LRP1B: variants seen among roughly 807,000 people sequenced by gnomAD.
LRP1B encodes the protein LDL receptor related protein 1B.
Under a neutral mutation model 556.6 loss-of-function variants are expected in LRP1B, and 217 were observed. The ratio of observed to expected loss-of-function variants is 0.39; its 90% CI spans 0.35 to 0.44. The LOEUF (loss-of-function observed/expected upper bound fraction) is 0.44. Among genes scored for constraint, LRP1B ranks in the 20% least tolerant of loss-of-function variants. The probability of loss-of-function intolerance (pLI) is 1.00; values close to 1 mark genes in which losing one functional copy is unlikely to be tolerated. For missense variants in LRP1B, 5,053 were observed against 5,620.8 expected (o/e 0.90, Z 3.23); for synonymous variants, 2,047 against 1,865.8 (o/e 1.10, Z -2.50).
At chr2:141,778,425 C>T (rs1202222777) in intron 2 of LRP1B, among the ~76,000 whole-genome samples, 3 of 152,290 alleles carry the variant, frequency 2.0e-5, no homozygotes, top group Admixed American at 2.0e-4. Flanking sequence ...GGTAGACTCT[C>T]CTCCTTCTAG....
At chr2:140,965,737 C>T (rs1820844) in intron 18 of LRP1B, among the ~76,000 whole-genome samples, 121,562 of 151,282 alleles carry the variant, frequency 0.8, 49,569 homozygotes, top group Non-Finnish European at 0.87. Flanking sequence ...ACCCAGTGTG[C>T]GATGTTCCCT....
chr2:141,310,768 A>T (rs753133005), intron 3 of LRP1B, among the ~76,000 whole-genome samples: 1 of 152,216 alleles, frequency 6.6e-6, no homozygotes, highest in Non-Finnish European at 1.5e-5. Flanking sequence ...GAGATATATC[A>T]AAGATTCGTG....
intron 43 of LRP1B, among the ~76,000 whole-genome samples, chr2:140,587,563 G>A: frequency 6.6e-6 from 1 of 152,110 alleles, no homozygotes; most frequent in East Asian, 1.9e-4. Flanking sequence ...AGCTACCAAA[G>A]GCTGGAGTGA....
chr2:140,630,816 CCTT>C (rs1244532981), intron 41 of LRP1B, among the ~76,000 whole-genome samples: 3 of 152,162 alleles, frequency 2.0e-5, no homozygotes, highest in South Asian at 2.1e-4. Context: ...TTACCCAGCT[CCTT>C]CTCCTCTAGC....
chr2:141,641,730 A>G (rs140208767), intron 2 of LRP1B, among the ~76,000 whole-genome samples: 219 of 152,254 alleles, frequency 1.4e-3, no homozygotes, highest in African/African-American at 5.1e-3. Context: ...ATACCTGGGT[A>G]AAAAATGGTA....
Position 140,868,248 on chromosome 2 carries a change from T to C in LRP1B, c.4185A>G (p.Thr1395=). ...TGCGAGGAAAATTTGCATCCCAGTC[T>C]GTCCAGAAAAGAATTCTAAAAAAAA... ...LDPRYGILFW[T]DWDANFPRIE... The change falls in exon 26 of 91, where the codon ACA becomes ACG. Residue 1395 remains threonine (T), a synonymous_variant. Transcript: ENST00000389484. The C allele has an allele frequency of 6.4e-7, 1 of 1,557,370 alleles. No individual in the cohort carries two copies. Among genetic ancestry groups the C allele is most frequent in the Admixed American group, 2.2e-5 (1 of 45,762 alleles).
At chr2:140,839,191 A>T (rs1692017720) in intron 31 of LRP1B, among the ~76,000 whole-genome samples, 1 of 152,244 alleles carries the variant, frequency 6.6e-6, no homozygotes, top group South Asian at 2.1e-4. Flanking sequence ...TAAGAGATTG[A>T]TTAATTAAAT....
At chr2:140,655,534 T>G (rs1684847617) in intron 41 of LRP1B, among the ~76,000 whole-genome samples, 1 of 152,226 alleles carries the variant, frequency 6.6e-6, no homozygotes, top group African/African-American at 2.4e-5. Context: ...GATTAATCAT[T>G]CCTAGGTGCA....
chr2:141,020,277 A>G (rs1394395987), intron 11 of LRP1B, among the ~76,000 whole-genome samples, 175 bp from the exon 12 acceptor site: 1 of 151,998 alleles, frequency 6.6e-6, no homozygotes, highest in Non-Finnish European at 1.5e-5. Flanking sequence ...ATATTTTTCA[A>G]TTTTATTTTG....
chr2:140,936,806 A>C (rs530678855), intron 20 of LRP1B, among the ~76,000 whole-genome samples: 1 of 152,106 alleles, frequency 6.6e-6, no homozygotes, highest in Admixed American at 6.6e-5. Flanking sequence ...ATGTGTTTTT[A>C]AAAAAATTAT....
chr2:140,543,114 C>T (rs1385887686), intron 43 of LRP1B, among the ~76,000 whole-genome samples: 2 of 152,002 alleles, frequency 1.3e-5, no homozygotes, highest in East Asian at 3.9e-4. Context: ...AAAAGCCAAG[C>T]CTGAAAGGAG....
At chr2:141,387,248 G>A (rs867971461) in intron 3 of LRP1B, among the ~76,000 whole-genome samples, 6 of 151,622 alleles carry the variant, frequency 4.0e-5, no homozygotes, top group Admixed American at 6.6e-5. Context: ...AAATAAATAC[G>A]CCATATTTAT....
intron 82 of LRP1B, among the ~76,000 whole-genome samples, chr2:140,320,533 CTGTACCTCATTGGAAAA>C (rs1252302459): frequency 6.6e-6 from 1 of 152,062 alleles, no homozygotes; most frequent in Non-Finnish European, 1.5e-5. Flanking sequence ...TGAATAATGT[CTGTACCTCATTGGAAAA>C]TGTTTGCTGT....
intron 21 of LRP1B, among the ~76,000 whole-genome samples, chr2:140,910,983 G>A (rs1434449168): frequency 2.0e-5 from 3 of 151,762 alleles, no homozygotes; most frequent in Admixed American, 2.0e-4. Flanking sequence ...ATCTACTGCT[G>A]TTTTGTATAT....
At chr2:140,794,812 C>T (rs1370642472) in intron 32 of LRP1B, among the ~76,000 whole-genome samples, 2 of 151,896 alleles carry the variant, frequency 1.3e-5, no homozygotes, top group Non-Finnish European at 2.9e-5. Context: ...GGGGTTTCTC[C>T]ATGTTGGTCA....
At chr2:140,670,813 T>G (rs1574221240) in intron 41 of LRP1B, among the ~76,000 whole-genome samples, 1 of 152,226 alleles carries the variant, frequency 6.6e-6, no homozygotes, top group African/African-American at 2.4e-5. Flanking sequence ...ACATATTAGG[T>G]TAAGGGGATC....
intron 2 of LRP1B, among the ~76,000 whole-genome samples, chr2:141,544,328 C>CCTT (rs1685419745): frequency 3.8e-4 from 14 of 36,998 alleles, no homozygotes; most frequent in African/African-American, 1.0e-3. Context: ...TCTTCTTCTT[C>CCTT]TTCTTCTTCT....
chr2:141,032,826 C>CATACATATATATATATATAT, intron 11 of LRP1B, among the ~76,000 whole-genome samples: 6 of 126,664 alleles, frequency 4.7e-5, no homozygotes, highest in African/African-American at 9.1e-5. Flanking sequence ...TATATACATA[C>CATACATATATATATATATAT]ATATATATAT....
chr2:141,745,979 T>C (rs1394946594), intron 2 of LRP1B, among the ~76,000 whole-genome samples: 1 of 152,076 alleles, frequency 6.6e-6, no homozygotes, highest in Non-Finnish European at 1.5e-5. Context: ...AAATGGTTTC[T>C]GGGAGCTAGG....
Sources: allele counts gnomAD v4.1 joint callset (sites outside exome capture counted in the v4.1 genomes callset), GRCh38; gene constraint gnomAD v4.1.1; transcripts MANE v1.5; gene names NCBI Gene and HGNC (gene_info 2026-07-23, HGNC 2026-07-21).